PIERCE1: variants seen among roughly 807,000 people sequenced by gnomAD.
PIERCE1 encodes piercer of microtubule wall 1 protein.
the PIERCE1 span, chr9:135,498,653 C>G: frequency 1.2e-5 from 20 of 1,613,884 alleles, no homozygotes; most frequent in East Asian, 1.6e-4. This position sits in a 1 kb window ranked among gnomAD's most constrained non-coding sequence, Gnocchi z 4.1. Flanking sequence ...ACGGAGACAG[C>G]CTTCTGGGTC....
chr9:135,495,615 T>C, the PIERCE1 span: 6 of 1,610,580 alleles, frequency 3.7e-6, no homozygotes, highest in Admixed American at 3.3e-5. Context: ...TAAAATACTT[T>C]CTATAAGAGA....
At chr9:135,495,415 G>A in the PIERCE1 span, 38 of 1,611,550 alleles carry the variant, frequency 2.4e-5, no homozygotes, top group Admixed American at 6.2e-4. Context: ...CCTAGAGGGA[G>A]TTTCCAGCCC....
chr9:135,495,456 T>C, the PIERCE1 span: 1 of 1,613,966 alleles, frequency 6.2e-7, no homozygotes, highest in Non-Finnish European at 8.5e-7. Context: ...CTGTTGATGT[T>C]GTAACTGGGG....
At chr9:135,499,765 G>C in the PIERCE1 span, 8 of 1,607,342 alleles carry the variant, frequency 5.0e-6, no homozygotes, top group South Asian at 3.3e-5. Flanking sequence ...CCGCGCTCAC[G>C]CGGTAGTAGT....
the PIERCE1 span, among the ~76,000 whole-genome samples, chr9:135,497,182 C>T: frequency 2.6e-5 from 4 of 152,142 alleles, no homozygotes; most frequent in East Asian, 3.9e-4. Context: ...CCCTTGGTCA[C>T]GAAACTGGAA....
At chr9:135,495,681 T>G in the PIERCE1 span, 1 of 1,404,764 alleles carries the variant, frequency 7.1e-7, no homozygotes, top group Non-Finnish European at 9.7e-7. Context: ...TTGAATATTT[T>G]TGAAAGAAAA....
the PIERCE1 span, chr9:135,499,826 C>T: frequency 6.2e-7 from 1 of 1,601,470 alleles, no homozygotes; most frequent in African/African-American, 1.3e-5. Flanking sequence ...AGGCTCCGCG[C>T]ACGCTCTGGG....
At chr9:135,498,626 G>A in the PIERCE1 span, 1 of 1,614,048 alleles carries the variant, frequency 6.2e-7, no homozygotes, top group Non-Finnish European at 8.5e-7. This position sits in a 1 kb window ranked among gnomAD's most constrained non-coding sequence, Gnocchi z 4.1. Context: ...CCGTAAGCCT[G>A]GTTACTGGTC....
chr9:135,496,393 G>A, the PIERCE1 span, among the ~76,000 whole-genome samples: 2 of 152,212 alleles, frequency 1.3e-5, no homozygotes, highest in South Asian at 4.1e-4. Flanking sequence ...AGCATCATTA[G>A]GTGACTGTGA....
chr9:135,495,275 T>C, the PIERCE1 span: 3 of 693,352 alleles, frequency 4.3e-6, no homozygotes, highest in South Asian at 4.0e-5. Context: ...ACGGCCCCGT[T>C]TGCATATTTT....
At chr9:135,498,507 T>G in the PIERCE1 span, 2 of 1,261,934 alleles carry the variant, frequency 1.6e-6, no homozygotes, top group Non-Finnish European at 2.3e-6. The surrounding 1 kb of genome is among the most constrained non-coding windows in gnomAD (Gnocchi z 4.1). Context: ...GTTGACCTGT[T>G]GAGAACCCCA....
the PIERCE1 span, chr9:135,499,400 G>A: frequency 3.2e-6 from 2 of 626,906 alleles, no homozygotes; most frequent in Non-Finnish European, 6.1e-6. Context: ...CTGTGCTCAC[G>A]CCCCGCAGCG....
chr9:135,495,239 T>TA, the PIERCE1 span: 10 of 582,714 alleles, frequency 1.7e-5, no homozygotes, highest in African/African-American at 1.3e-4. Context: ...CCCATGTACT[T>TA]ATTAGATGTG....
At chr9:135,496,580 T>G in the PIERCE1 span, among the ~76,000 whole-genome samples, 1,762 of 152,282 alleles carry the variant, frequency 0.012, 20 homozygotes, top group Non-Finnish European at 0.014. Context: ...ATAGAAAAAT[T>G]GAACAGAAAG....
chr9:135,498,746 C>G, the PIERCE1 span: 2 of 1,302,004 alleles, frequency 1.5e-6, no homozygotes, highest in Non-Finnish European at 2.2e-6. The surrounding 1 kb of genome is among the most constrained non-coding windows in gnomAD (Gnocchi z 4.1). Context: ...TGACGGCACT[C>G]CCCTGGAAAT....
the PIERCE1 span, among the ~76,000 whole-genome samples, chr9:135,498,415 C>G: frequency 2.0e-5 from 3 of 152,110 alleles, no homozygotes; most frequent in East Asian, 5.8e-4. The surrounding 1 kb of genome is among the most constrained non-coding windows in gnomAD (Gnocchi z 4.1). Context: ...TCTCCCAAAG[C>G]GATTTTGGGA....
the PIERCE1 span, chr9:135,495,669 C>T: frequency 7.0e-7 from 1 of 1,432,284 alleles, no homozygotes; most frequent in South Asian, 1.3e-5. Flanking sequence ...TTGAGCAATC[C>T]GTTGAATATT....
the PIERCE1 span, chr9:135,495,736 T>C: frequency 1.1e-6 from 1 of 915,532 alleles, no homozygotes; most frequent in South Asian, 1.7e-5. Flanking sequence ...GTGGGTAGGA[T>C]GGCCTGGCTC....
At chr9:135,495,299 C>T in the PIERCE1 span, 48 of 880,816 alleles carry the variant, frequency 5.4e-5, 1 homozygote, top group East Asian at 5.2e-4. Flanking sequence ...ACTCCGCAGA[C>T]GAATAATATT....
Sources: allele counts gnomAD v4.1 joint callset (sites outside exome capture counted in the v4.1 genomes callset), GRCh38; gene constraint gnomAD v4.1.1; non-coding constraint Gnocchi (gnomAD v3.1); transcripts MANE v1.5; gene names NCBI Gene and HGNC (gene_info 2026-07-23, HGNC 2026-07-21).